The following CDH23 variants were observed in gnomAD, a reference collection of about 807,000 sequenced individuals.
CDH23 encodes cadherin-23.
Under a neutral mutation model 317.1 loss-of-function variants are expected in CDH23, and 189 were observed. The observed-to-expected ratio is 0.60, with a 90% CI of 0.53 to 0.67. CDH23 has a LOEUF of 0.67. Among genes scored for constraint, CDH23 ranks in the 30% least tolerant of loss-of-function variants. CDH23 has a pLI of 0.00. For synonymous variants in CDH23, 1,839 were observed against 1,876.8 expected, an observed-to-expected ratio of 0.98 and a Z score of 0.52; for missense variants, 4,401 against 4,592.4, an observed-to-expected ratio of 0.96 and a Z score of 1.20.
At chr10:71,533,091 T>C (rs1288293695) in intron 6 of CDH23, among the ~76,000 whole-genome samples, 1 of 152,282 alleles carries the variant, frequency 6.6e-6, no homozygotes, top group East Asian at 1.9e-4. Flanking sequence ...GGTGTGACAC[T>C]CTCCCTGTGT....
chr10:71,673,248 T>C (rs957169104), intron 14 of CDH23, among the ~76,000 whole-genome samples: 6 of 152,322 alleles, frequency 3.9e-5, no homozygotes, highest in Non-Finnish European at 1.5e-5. Flanking sequence ...CCCTTTTCCT[T>C]TGACAAAGGC....
intron 1 of CDH23, among the ~76,000 whole-genome samples, chr10:71,402,297 AT>A (rs1050403549): frequency 2.2e-4 from 34 of 152,154 alleles, no homozygotes; most frequent in African/African-American, 7.7e-4. Context: ...TAGCATTCAT[AT>A]TTTTTACATA....
intron 1 of CDH23, among the ~76,000 whole-genome samples, chr10:71,439,589 C>T (rs548790137): frequency 6.6e-6 from 1 of 152,232 alleles, no homozygotes; most frequent in Non-Finnish European, 1.5e-5. Context: ...AGGCCCCAGC[C>T]TCACCCAGTG....
chr10:71,703,131 A>G (rs949663758), intron 24 of CDH23, among the ~76,000 whole-genome samples: 7 of 152,144 alleles, frequency 4.6e-5, no homozygotes, highest in Non-Finnish European at 8.8e-5. Flanking sequence ...GGCTCTAAAG[A>G]GACTTGCCCA....
chr10:71,747,303 G>A (rs1036891043), intron 38 of CDH23, among the ~76,000 whole-genome samples: 1 of 152,214 alleles, frequency 6.6e-6, no homozygotes, highest in South Asian at 2.1e-4. Flanking sequence ...GGGAGTGGCA[G>A]GAGCTGATAT....
intron 1 of CDH23, among the ~76,000 whole-genome samples, chr10:71,429,110 T>G (rs1468228598): frequency 1.3e-5 from 2 of 152,246 alleles, no homozygotes; most frequent in African/African-American, 4.8e-5. Flanking sequence ...TTTTTCCATT[T>G]CTTGCCTGTG....
chr10:71,409,605 G>C (rs1564563005), intron 1 of CDH23, among the ~76,000 whole-genome samples: 1 of 152,144 alleles, frequency 6.6e-6, no homozygotes, highest in Non-Finnish European at 1.5e-5. Context: ...AGGGCACCCG[G>C]GCAGTGCTTG....
intron 3 of CDH23, 48 bp downstream of exon 3, chr10:71,446,443 A>G: frequency 1.3e-6 from 2 of 1,547,650 alleles, no homozygotes; most frequent in African/African-American, 1.4e-5. Flanking sequence ...CTGGGGTGCA[A>G]TCCCTTCCCA....
chr10:71,410,987 G>A (rs12253320), intron 1 of CDH23, among the ~76,000 whole-genome samples: 2 of 152,184 alleles, frequency 1.3e-5, no homozygotes, highest in African/African-American at 2.4e-5. Flanking sequence ...AATTCTATAA[G>A]TATTTGACTA....
At position 71,542,874 on chromosome 10, in the gene CDH23, G is replaced by A. The variant is rs770574371; in HGVS notation, c.430-23868G>A. On this transcript the variant is annotated intron_variant, in intron 6 of 69. Coordinates refer to ENST00000224721, the MANE Select transcript of CDH23 (RefSeq NM_022124.6). ...GGTTCTTCGAGGCTCTGAACAGCAA[G>A]CCCCTTTCCAGGGTGGCAGCGTGCA... Among the ~76,000 whole-genome samples the A allele has an allele frequency of 3.7e-4, 56 of 152,376 alleles. 1 individual carries two copies. Among genetic ancestry groups the A allele is most frequent in the Non-Finnish European group, 7.3e-4 (50 of 68,028 alleles).
chr10:71,525,704 A>G (rs10999865), intron 6 of CDH23, among the ~76,000 whole-genome samples: 24,504 of 152,148 alleles, frequency 0.16, 2,285 homozygotes, highest in African/African-American at 0.26. Context: ...ACAAGTGGCC[A>G]CCACACTGCT....
At chr10:71,468,518 C>A (rs941996498) in intron 3 of CDH23, among the ~76,000 whole-genome samples, 2 of 152,170 alleles carry the variant, frequency 1.3e-5, no homozygotes, top group African/African-American at 4.8e-5. Flanking sequence ...CTATCATCTC[C>A]CACACTTTCT....
rs868838038 is a variant in CDH23, at chr10:71,682,658, C to T, written c.1986+86C>T. ...TGAACCCAGTACTGTAGGACTGTGG[C>T]CCCCACCTCCTTGGCTGTCCCTGCA... On this transcript the variant is annotated intron_variant, in intron 18 of 69. Coordinates refer to ENST00000224721, the MANE Select transcript of CDH23 (RefSeq NM_022124.6). 2.6e-5 allele frequency: 40 copies of T among 1,511,370 alleles called. No individual in the cohort carries two copies. In the South Asian group the frequency reaches 3.5e-4, roughly 13 times the overall value. The allele number at this position is 1,511,370 out of a possible 1,614,324, so 93.6% of individuals were successfully genotyped here.
chr10:71,701,884 C>A (rs998262132), intron 22 of CDH23, 138 bp from the exon 23 acceptor site: 4 of 848,716 alleles, frequency 4.7e-6, no homozygotes, highest in African/African-American at 3.3e-5. Context: ...CCGGGCCCAG[C>A]GGGGATGCCC....
At chr10:71,527,737 G>A (rs1855121838) in intron 6 of CDH23, among the ~76,000 whole-genome samples, 1 of 152,202 alleles carries the variant, frequency 6.6e-6, no homozygotes, top group Non-Finnish European at 1.5e-5. Context: ...GCCTCTCTGA[G>A]CCTCAGTTTT....
intron 53 of CDH23, among the ~76,000 whole-genome samples, chr10:71,801,793 C>T (rs369972022): frequency 6.6e-6 from 1 of 152,314 alleles, no homozygotes; most frequent in South Asian, 2.1e-4. Context: ...AACACATGCA[C>T]ATATCCAAAC....
At chr10:71,756,452 G>A (rs1840151067) in intron 38 of CDH23, among the ~76,000 whole-genome samples, 1 of 152,182 alleles carries the variant, frequency 6.6e-6, no homozygotes, top group Admixed American at 6.5e-5. Flanking sequence ...AACTAATAAT[G>A]TAGCAATGAA....
At chr10:71,729,984 G>A (rs1183877937) in intron 30 of CDH23, among the ~76,000 whole-genome samples, 7 of 151,826 alleles carry the variant, frequency 4.6e-5, no homozygotes, top group East Asian at 1.9e-4. Context: ...ACAGGCGCCC[G>A]CCACCACGCC....
intron 28 of CDH23, chr10:71,715,807 C>G: frequency 2.2e-6 from 2 of 896,180 alleles, no homozygotes; most frequent in Non-Finnish European, 3.2e-6. Context: ...CAAGGAGCTT[C>G]GGGGGGTGAG....
Sources: allele counts gnomAD v4.1 joint callset (sites outside exome capture counted in the v4.1 genomes callset), GRCh38; gene constraint gnomAD v4.1.1; transcripts MANE v1.5; gene names NCBI Gene and HGNC (gene_info 2026-07-23, HGNC 2026-07-21).